SFMBT1: variants seen among roughly 807,000 people sequenced by gnomAD.
The protein encoded by SFMBT1 is scm-like with four MBT domains protein 1.
In SFMBT1, 32 loss-of-function variants were observed where a neutral mutation model predicts 108.7. The ratio of observed to expected loss-of-function variants is 0.29; its 90% CI spans 0.22 to 0.40. The LOEUF is 0.40. SFMBT1 is among the 10% of genes least tolerant of loss of function. The pLI is 1.00. For synonymous variants in SFMBT1, 348 were observed against 369.5 expected (o/e 0.94, Z 0.67); for missense variants, 816 against 1,059.6 (o/e 0.77, Z 3.19).
intron 1 of SFMBT1, among the ~76,000 whole-genome samples, chr3:53,007,485 T>C (rs1229236146): frequency 6.6e-6 from 1 of 151,910 alleles, no homozygotes; most frequent in Non-Finnish European, 1.5e-5. Flanking sequence ...AGTGCCAGAG[T>C]TGAGAAATTC....
rs1457269437 is a variant in SFMBT1 at position 52,999,100 on chromosome 3, G to A, written c.-130-29842C>T. On this transcript the variant is annotated intron_variant, in intron 1 of 20. Coordinates refer to ENST00000394752, the MANE Select transcript of SFMBT1 (RefSeq NM_016329.4). Reference sequence around the variant, plus strand: ...CTCTTCACCCAAGGCCTGCGCCGGCGTCTGCTGATCAAGGGCCCAGTACAA... The same window carrying A: ...CTCTTCACCCAAGGCCTGCGCCGGCATCTGCTGATCAAGGGCCCAGTACAA... Among the ~76,000 whole-genome samples the A allele has an allele frequency of 1.2e-4, 18 of 150,986 alleles. 2 individuals are homozygous for A. The South Asian group carries it at 1.3e-3, about 11-fold the overall frequency.
chr3:52,952,160 C>A (rs1235730910), intron 3 of SFMBT1, among the ~76,000 whole-genome samples: 1 of 152,010 alleles, frequency 6.6e-6, no homozygotes, highest in Non-Finnish European at 1.5e-5. Flanking sequence ...AGATCGAGAC[C>A]ATCCTGGCTA....
At chr3:52,920,797 T>C in intron 11 of SFMBT1, 147 bp from the exon 12 acceptor site, 1 of 592,376 alleles carries the variant, frequency 1.7e-6, no homozygotes, top group East Asian at 2.9e-5. Flanking sequence ...GTCATACATT[T>C]TCATGTATGA....
intron 3 of SFMBT1, among the ~76,000 whole-genome samples, chr3:52,950,780 A>C (rs1703552705): frequency 6.6e-6 from 1 of 151,718 alleles, no homozygotes; most frequent in South Asian, 2.1e-4. Context: ...GGCTGCTGTC[A>C]TTATTTTGAA....
intron 2 of SFMBT1, among the ~76,000 whole-genome samples, chr3:52,966,820 C>A (rs962791651): frequency 1.3e-5 from 2 of 151,476 alleles, no homozygotes; most frequent in South Asian, 2.1e-4. Context: ...AAATGTTAAG[C>A]ATGTCTGATG....
chr3:53,007,436 T>C (rs1575435041), intron 1 of SFMBT1, among the ~76,000 whole-genome samples: 1 of 152,332 alleles, frequency 6.6e-6, no homozygotes, highest in East Asian at 1.9e-4. Context: ...CAGAATGGAA[T>C]GTATGCTGAA....
At chr3:53,017,798 C>G (rs902810158) in intron 1 of SFMBT1, among the ~76,000 whole-genome samples, 1 of 152,138 alleles carries the variant, frequency 6.6e-6, no homozygotes, top group African/African-American at 2.4e-5. Flanking sequence ...CTATATACAC[C>G]TTGTGCTGTT....
chr3:52,934,773 A>G (rs970774697), intron 5 of SFMBT1, 40 bp downstream of exon 5: 3 of 1,516,586 alleles, frequency 2.0e-6, no homozygotes. Flanking sequence ...GAAAGATCAG[A>G]TGGGTTTTCC....
intron 2 of SFMBT1, among the ~76,000 whole-genome samples, chr3:52,958,201 T>C (rs765875820): frequency 1.3e-5 from 2 of 151,312 alleles, no homozygotes; most frequent in Non-Finnish European, 2.9e-5. Context: ...GCAACAAACA[T>C]AAAAAAAAGC....
intron 7 of SFMBT1, 46 bp downstream of exon 7, chr3:52,930,895 T>C: frequency 6.5e-7 from 1 of 1,532,854 alleles, no homozygotes; most frequent in Non-Finnish European, 9.0e-7. Context: ...TGCTTTACTC[T>C]ACTGTAAGGG....
intron 1 of SFMBT1, among the ~76,000 whole-genome samples, chr3:53,005,249 T>C (rs1698698653): frequency 1.3e-5 from 2 of 152,184 alleles, no homozygotes; most frequent in South Asian, 2.1e-4. Context: ...GACTACCAAA[T>C]GCTCTGAATA....
chr3:52,921,582 A>G, intron 11 of SFMBT1, 123 bp downstream of exon 11: 1 of 1,107,004 alleles, frequency 9.0e-7, no homozygotes, highest in South Asian at 1.8e-5. Context: ...TTGCATTACA[A>G]AAGTCTCTGA....
chr3:53,011,413 T>C (rs1254625361), intron 1 of SFMBT1, among the ~76,000 whole-genome samples: 1 of 152,128 alleles, frequency 6.6e-6, no homozygotes, highest in Non-Finnish European at 1.5e-5. Flanking sequence ...GTACATATAA[T>C]ACATAAAAGT....
chr3:52,994,049 A>G (rs1698233088), intron 1 of SFMBT1, among the ~76,000 whole-genome samples: 1 of 150,476 alleles, frequency 6.6e-6, no homozygotes, highest in African/African-American at 2.4e-5. Context: ...AGTTTCCAAC[A>G]GAAGGGTTTA....
intron 1 of SFMBT1, among the ~76,000 whole-genome samples, chr3:53,018,521 C>G (rs1335720788): frequency 6.6e-6 from 1 of 152,168 alleles, no homozygotes; most frequent in Non-Finnish European, 1.5e-5. Flanking sequence ...CACAAACAGG[C>G]TCTCATGTTG....
In SFMBT1 at chr3:52,920,662, TAAACAAACAAAC is replaced by T. The variant is rs143128850; in HGVS notation, c.1259-24_1259-13del. 35 of 1,490,190 alleles carry T rather than the reference TAAACAAACAAAC, an allele frequency of 2.3e-5. No homozygotes were observed. Among genetic ancestry groups the T allele is most frequent in the East Asian group, 4.5e-5 (2 of 44,256 alleles). 92.3% of individuals were successfully genotyped at this position (1,490,190 alleles called of 1,614,324 possible). On this transcript the variant is annotated splice_polypyrimidine_tract_variant and intron_variant, in intron 11 of 20. Coordinates refer to ENST00000394752, the MANE Select transcript of SFMBT1 (RefSeq NM_016329.4). Reference sequence around the variant, plus strand: ...AGGCTTCTTAGAACCTGTTTAGATTTAAACAAACAAACAAACAAACAAACAAACCTTTTTTTA... The same window carrying T: ...AGGCTTCTTAGAACCTGTTTAGATTTAAACAAACAAACAAACCTTTTTTTA...
At chr3:52,951,531 C>T (rs1703592726) in intron 3 of SFMBT1, among the ~76,000 whole-genome samples, 1 of 151,142 alleles carries the variant, frequency 6.6e-6, no homozygotes, top group African/African-American at 2.4e-5. Context: ...ATTCTCCTGC[C>T]TCAGCCTCCT....
At position 52,954,344 on chromosome 3, in the gene SFMBT1, T is replaced by C; in HGVS notation, c.96A>G (p.Thr32=). ...WEDYLEETGS[T]AVPYGSFKHV... ...GTTTAAAAGACCCATAGGGAACTGC[T>C]GTGGACCCTGTTTCTTCTAGATAAT... The change falls in exon 3 of 21, where the codon ACA becomes ACG. Residue 32 remains threonine, a synonymous_variant. Transcript: ENST00000394752. 1 of 1,613,874 alleles carries C rather than the reference T, an allele frequency of 6.2e-7. No homozygotes were observed. The highest frequency in any genetic ancestry group is 8.5e-7 in the Non-Finnish European group (1 of 1,179,852).
chr3:52,959,050 C>T (rs1029259204), intron 2 of SFMBT1, among the ~76,000 whole-genome samples: 1 of 151,866 alleles, frequency 6.6e-6, no homozygotes, highest in African/African-American at 2.4e-5. Context: ...CCTACATGTT[C>T]TCACTTATAA....
Sources: allele counts gnomAD v4.1 joint callset (sites outside exome capture counted in the v4.1 genomes callset), GRCh38; gene constraint gnomAD v4.1.1; transcripts MANE v1.5; gene names NCBI Gene and HGNC (gene_info 2026-07-23, HGNC 2026-07-21).